Variants in MARCHF1 observed in about 807,000 individuals in gnomAD.
MARCHF1 encodes the protein E3 ubiquitin-protein ligase MARCHF1.
Under a neutral mutation model 54.2 loss-of-function variants are expected in MARCHF1, and 40 were observed. That is an observed-to-expected ratio of 0.74 (90% CI 0.57 to 0.96). MARCHF1 has a LOEUF of 0.96. Ranked by LOEUF, MARCHF1 falls within the 40% of genes least tolerant of loss-of-function variation. The probability of loss-of-function intolerance (pLI) is 0.00; values close to 1 mark genes in which losing one functional copy is unlikely to be tolerated. For missense variants in MARCHF1, 586 were observed against 656.5 expected, an observed-to-expected ratio of 0.89 and a Z score of 1.17; for synonymous variants, 236 against 236.3, an observed-to-expected ratio of 1.00 and a Z score of 0.01.
intron 8 of MARCHF1, among the ~76,000 whole-genome samples, chr4:163,567,924 A>G (rs1383826712): frequency 2.6e-5 from 4 of 152,082 alleles, no homozygotes; most frequent in South Asian, 2.1e-4. Context: ...ATCTTGCTCT[A>G]TTCCTCTGCA....
At chr4:164,165,366 C>G (rs1260631674) in intron 1 of MARCHF1, among the ~76,000 whole-genome samples, 1 of 150,926 alleles carries the variant, frequency 6.6e-6, no homozygotes, top group Non-Finnish European at 1.5e-5. Flanking sequence ...CTCTCTGTCT[C>G]TCTCTCTCTC....
intron 3 of MARCHF1, among the ~76,000 whole-genome samples, chr4:163,982,480 A>G (rs6832508): frequency 0.64 from 97,838 of 152,112 alleles, 31,639 homozygotes; most frequent in East Asian, 0.89. Context: ...TGCACAGGTA[A>G]CAAAGCAGGA....
chr4:164,039,540 T>C (rs1010687195), intron 2 of MARCHF1, among the ~76,000 whole-genome samples: 1 of 152,176 alleles, frequency 6.6e-6, no homozygotes, highest in Admixed American at 6.5e-5. Context: ...CAATTTATAC[T>C]GTCAAAGGGA....
chr4:163,596,235 A>G (rs562078784), intron 7 of MARCHF1, among the ~76,000 whole-genome samples: 3 of 152,216 alleles, frequency 2.0e-5, no homozygotes, highest in African/African-American at 7.2e-5. Context: ...CTCCTGGAGG[A>G]TAGACGCTCA....
intron 3 of MARCHF1, among the ~76,000 whole-genome samples, chr4:163,943,445 G>A (rs1233573985): frequency 2.6e-5 from 4 of 152,102 alleles, no homozygotes; most frequent in Non-Finnish European, 4.4e-5. Context: ...TGAATAGGGA[G>A]TCTTTTCCCC....
intron 4 of MARCHF1, among the ~76,000 whole-genome samples, chr4:163,743,927 T>C (rs567349061): frequency 6.6e-6 from 1 of 152,306 alleles, no homozygotes; most frequent in East Asian, 1.9e-4. Flanking sequence ...CTCTCAATTG[T>C]ATGACAACAC....
chr4:163,970,096 G>T (rs1169086028), intron 3 of MARCHF1, among the ~76,000 whole-genome samples: 2 of 152,120 alleles, frequency 1.3e-5, no homozygotes, highest in Non-Finnish European at 2.9e-5. Flanking sequence ...AAGACACAGT[G>T]ACTTAGACTA....
chr4:164,232,985 C>T (rs895220590), intron 1 of MARCHF1, among the ~76,000 whole-genome samples: 5 of 152,096 alleles, frequency 3.3e-5, no homozygotes, highest in South Asian at 2.1e-4. Flanking sequence ...CTAGCTACAA[C>T]GCTTACCTGT....
intron 4 of MARCHF1, among the ~76,000 whole-genome samples, chr4:163,815,742 A>G (rs1238671417): frequency 1.4e-4 from 21 of 152,190 alleles, no homozygotes. Context: ...TGCTTGTTCT[A>G]TATAGATTTT....
chr4:163,921,379 C>CAA (rs61116834), intron 3 of MARCHF1, among the ~76,000 whole-genome samples: 1,949 of 151,524 alleles, frequency 0.013, 42 homozygotes, highest in African/African-American at 0.044. Context: ...ATCATCACTT[C>CAA]AAAAAAAAGA....
At chr4:163,915,357 C>T (rs1690472450) in intron 3 of MARCHF1, among the ~76,000 whole-genome samples, 1 of 151,912 alleles carries the variant, frequency 6.6e-6, no homozygotes, top group African/African-American at 2.4e-5. Context: ...TGTAAAAACT[C>T]CAAATAGATA....
At chr4:164,207,311 T>G (rs1490733262) in intron 1 of MARCHF1, among the ~76,000 whole-genome samples, 1 of 152,218 alleles carries the variant, frequency 6.6e-6, no homozygotes, top group Non-Finnish European at 1.5e-5. Context: ...TTCAATAGCT[T>G]TTTTCAATTT....
intron 1 of MARCHF1, among the ~76,000 whole-genome samples, chr4:164,231,898 T>C (rs943079161): frequency 6.6e-6 from 1 of 152,140 alleles, no homozygotes; most frequent in Non-Finnish European, 1.5e-5. Context: ...CGGACAACTA[T>C]ATGCTTTGAC....
At chr4:163,678,949 C>A (rs1744005536) in intron 5 of MARCHF1, among the ~76,000 whole-genome samples, 1 of 152,124 alleles carries the variant, frequency 6.6e-6, no homozygotes, top group Admixed American at 6.5e-5. Context: ...ATTTCCATAC[C>A]TGCCCTGATT....
intron 4 of MARCHF1, among the ~76,000 whole-genome samples, chr4:163,722,576 G>A (rs1745509437): frequency 6.6e-6 from 1 of 152,128 alleles, no homozygotes; most frequent in Non-Finnish European, 1.5e-5. Flanking sequence ...TTCAGTTCCT[G>A]GATATCCTTG....
intron 2 of MARCHF1, among the ~76,000 whole-genome samples, chr4:164,002,415 C>T (rs762020538): frequency 2.0e-5 from 3 of 150,826 alleles, no homozygotes; most frequent in Non-Finnish European, 4.4e-5. Context: ...ATTAAAAATA[C>T]CATATTTGAA....
chr4:163,555,925 C>A (rs971002788), intron 8 of MARCHF1: 1 of 456,184 alleles, frequency 2.2e-6, no homozygotes, highest in Non-Finnish European at 4.4e-6. Context: ...GTGATCATAG[C>A]CTTGCCGTTT....
chr4:163,700,735 A>T, intron 5 of MARCHF1, 78 bp downstream of exon 5: 1 of 1,071,740 alleles, frequency 9.3e-7, no homozygotes, highest in Non-Finnish European at 1.4e-6. Flanking sequence ...TAACAATTAT[A>T]GGTTAAACAT....
chr4:163,636,796 T>A (rs1450478310), intron 5 of MARCHF1, among the ~76,000 whole-genome samples: 5 of 152,158 alleles, frequency 3.3e-5, no homozygotes, highest in African/African-American at 1.2e-4. Flanking sequence ...AAGTCAATCC[T>A]AAGCCAAAAG....
Sources: gnomAD v4.1 joint callset for allele counts (sites outside exome capture counted in the v4.1 genomes callset) on GRCh38, gnomAD v4.1.1 for gene constraint, MANE v1.5 for transcripts, NCBI Gene and HGNC (gene_info 2026-07-23, HGNC 2026-07-21) for gene names.